Variants in ARFGEF2 observed in about 807,000 individuals in gnomAD.
ARFGEF2 encodes the protein brefeldin A-inhibited guanine nucleotide-exchange protein 2.
In ARFGEF2, 74 loss-of-function variants were observed where a neutral mutation model predicts 219.9. The ratio of observed to expected loss-of-function variants is 0.34; its 90% CI spans 0.28 to 0.41. The LOEUF (loss-of-function observed/expected upper bound fraction) is 0.41, where lower values mean the gene tolerates loss of function less well. Among genes scored for constraint, ARFGEF2 ranks in the 10% least tolerant of loss-of-function variants. The probability of loss-of-function intolerance (pLI) is 1.00; values close to 1 mark genes in which losing one functional copy is unlikely to be tolerated. For synonymous variants in ARFGEF2, 733 were observed against 799.2 expected, an observed-to-expected ratio of 0.92 and a Z score of 1.40; for missense variants, 1,743 against 2,218.3, an observed-to-expected ratio of 0.79 and a Z score of 4.30.
intron 3 of ARFGEF2, among the ~76,000 whole-genome samples, chr20:48,948,850 A>T (rs1487655072): frequency 1.3e-5 from 2 of 152,262 alleles, no homozygotes; most frequent in Admixed American, 1.3e-4. Context: ...AGCAAGGAAC[A>T]AGGTGGGGAC....
chr20:48,929,008 G>T (rs2090896895), intron 1 of ARFGEF2, among the ~76,000 whole-genome samples: 1 of 152,238 alleles, frequency 6.6e-6, no homozygotes, highest in Non-Finnish European at 1.5e-5. Context: ...ATGAAAAAGA[G>T]TGAACTTGTG....
chr20:48,982,564 T>G (rs1600631869), intron 14 of ARFGEF2, among the ~76,000 whole-genome samples: 4 of 152,300 alleles, frequency 2.6e-5, no homozygotes, highest in Admixed American at 2.6e-4. Context: ...TGCAGAAGTT[T>G]CTGCTGCCTT....
intron 1 of ARFGEF2, among the ~76,000 whole-genome samples, chr20:48,931,344 C>G (rs2090912135): frequency 6.6e-6 from 1 of 151,808 alleles, no homozygotes; most frequent in African/African-American, 2.4e-5. Flanking sequence ...ATTTTTTCAA[C>G]AAATGTTGAG....
intron 16 of ARFGEF2, among the ~76,000 whole-genome samples, chr20:48,987,719 G>C (rs1402986824): frequency 6.6e-6 from 1 of 152,134 alleles, no homozygotes; most frequent in Non-Finnish European, 1.5e-5. Context: ...CTTGGCCCCA[G>C]ATGCTTCTTA....
chr20:48,980,212 T>C (rs1441282138), intron 14 of ARFGEF2, among the ~76,000 whole-genome samples: 1 of 152,216 alleles, frequency 6.6e-6, no homozygotes, highest in African/African-American at 2.4e-5. Flanking sequence ...AAATAACATC[T>C]TTATTTCTGC....
chr20:48,939,807 A>T (rs1445624677), intron 1 of ARFGEF2, among the ~76,000 whole-genome samples: 1 of 152,220 alleles, frequency 6.6e-6, no homozygotes, highest in African/African-American at 2.4e-5. Flanking sequence ...CACATCTTCA[A>T]GTTGAGTCTA....
At chr20:49,008,716 T>C (rs1194007392) in intron 26 of ARFGEF2, among the ~76,000 whole-genome samples, 1 of 144,692 alleles carries the variant, frequency 6.9e-6, no homozygotes, top group Non-Finnish European at 1.5e-5. Flanking sequence ...GGTTTTTTTT[T>C]TTTTTTTTTT....
At chr20:48,968,812 A>G (rs547103509) in intron 8 of ARFGEF2, among the ~76,000 whole-genome samples, 10 of 152,150 alleles carry the variant, frequency 6.6e-5, no homozygotes, top group South Asian at 2.1e-4. Context: ...AAGGTTGTAG[A>G]ATTGCTGTGA....
intron 3 of ARFGEF2, among the ~76,000 whole-genome samples, chr20:48,943,054 C>G (rs1442239566): frequency 2.0e-5 from 3 of 152,172 alleles, no homozygotes; most frequent in African/African-American, 4.8e-5. Flanking sequence ...GAAAGCACAT[C>G]AGCACACCCT....
At chr20:49,012,327 A>AAT (rs1362425203) in intron 28 of ARFGEF2, among the ~76,000 whole-genome samples, 5 of 152,180 alleles carry the variant, frequency 3.3e-5, no homozygotes, top group Admixed American at 3.3e-4. Context: ...GTTTTTGTAG[A>AAT]AGTTAGTTGT....
Position 49,011,850 on chromosome 20 carries a change from T to C in ARFGEF2, c.3758-74T>C, listed in dbSNP as rs117296208. 985 of 1,410,072 alleles carry C rather than the reference T, an allele frequency of 7.0e-4. 9 individuals are homozygous for C. The East Asian group carries it at 0.017, about 24-fold the overall frequency. The allele number at this position is 1,410,072 out of a possible 1,614,324, so 87.3% of individuals were successfully genotyped here. A position where few individuals can be genotyped will look rare whatever the true frequency, so the allele number is the denominator to read the frequency against. On this transcript the variant is annotated intron_variant, in intron 27 of 38. Transcript: ENST00000371917. ...TGATGTATGTGTGTGTGTGTGTGTG[T>C]GCACGCACGTGCATTTTTTCATCCC...
At chr20:48,961,933 C>T (rs1324529694) in intron 6 of ARFGEF2, among the ~76,000 whole-genome samples, 1 of 151,318 alleles carries the variant, frequency 6.6e-6, no homozygotes, top group Non-Finnish European at 1.5e-5. Context: ...CATCCCAGCA[C>T]TTTGGGAGGC....
intron 35 of ARFGEF2, 131 bp from the exon 36 acceptor site, chr20:49,025,182 G>T: frequency 2.2e-6 from 2 of 924,364 alleles, no homozygotes; most frequent in Non-Finnish European, 3.4e-6. Context: ...GTTTCAGGGT[G>T]TTGGGGAATA....
At chr20:48,958,646 G>A (rs900535042) in intron 6 of ARFGEF2, among the ~76,000 whole-genome samples, 11 of 151,658 alleles carry the variant, frequency 7.3e-5, no homozygotes, top group African/African-American at 1.9e-4. Context: ...GTTTCACCGC[G>A]CTAGCCAGGA....
At chr20:48,946,316 C>T (rs1050240991) in intron 3 of ARFGEF2, among the ~76,000 whole-genome samples, 4 of 152,064 alleles carry the variant, frequency 2.6e-5, no homozygotes, top group Admixed American at 6.5e-5. Context: ...ACTTCCCCTG[C>T]GGCTTGCTTC....
rs999875786 is a variant in ARFGEF2 at position 48,979,251 on chromosome 20, G to C, written c.1958+3052G>C. 1.1e-4 allele frequency among the ~76,000 whole-genome samples: 16 copies of C among 152,272 alleles called. 1 individual carries two copies. The highest frequency in any genetic ancestry group is 9.6e-4 in the East Asian group (5 of 5,186). On this transcript the variant is annotated intron_variant, in intron 14 of 38. Transcript: ENST00000371917. ...AGATAATCATGTGGTCTTTGTCATTGGTTCTGTTTATGTGATGGATTACGT... is the reference window on the plus strand; with the variant it reads ...AGATAATCATGTGGTCTTTGTCATTCGTTCTGTTTATGTGATGGATTACGT...
intron 12 of ARFGEF2, among the ~76,000 whole-genome samples, chr20:48,973,882 AT>A (rs1414386350): frequency 1.3e-5 from 2 of 152,092 alleles, no homozygotes; most frequent in Admixed American, 1.3e-4. Context: ...AATCTAAAAT[AT>A]TTGCAATTTT....
intron 12 of ARFGEF2, 148 bp downstream of exon 12, chr20:48,973,432 C>G: frequency 1.1e-6 from 1 of 891,602 alleles, no homozygotes; most frequent in South Asian, 1.5e-5. Flanking sequence ...CATCATGAAA[C>G]GACATTAAAG....
At chr20:48,971,978 C>T (rs1373030665) in intron 10 of ARFGEF2, among the ~76,000 whole-genome samples, 1 of 152,138 alleles carries the variant, frequency 6.6e-6, no homozygotes, top group Non-Finnish European at 1.5e-5. Context: ...GGGCTCAGCC[C>T]CCTAAACATA....
Sources: gnomAD v4.1 joint callset for allele counts (sites outside exome capture counted in the v4.1 genomes callset) on GRCh38, gnomAD v4.1.1 for gene constraint, MANE v1.5 for transcripts, NCBI Gene and HGNC (gene_info 2026-07-23, HGNC 2026-07-21) for gene names.